The following SNX29 variants were observed in gnomAD, a reference collection of about 807,000 sequenced individuals.
The protein encoded by SNX29 is sorting nexin 29, also known as sorting nexin-29.
In SNX29, 78 loss-of-function variants were observed where a neutral mutation model predicts 102.1. The observed-to-expected ratio is 0.76, with a 90% CI of 0.64 to 0.92. The LOEUF (loss-of-function observed/expected upper bound fraction) is 0.92, where lower values mean the gene tolerates loss of function less well. Among genes scored for constraint, SNX29 ranks in the 40% least tolerant of loss-of-function variants. SNX29 has a pLI of 0.00. For missense variants in SNX29, 1,280 were observed against 1,061.7 expected (o/e 1.21, Z -2.86); for synonymous variants, 580 against 414.5 (o/e 1.40, Z -4.85).
At chr16:12,361,796 C>T (rs2082306886) in intron 16 of SNX29, among the ~76,000 whole-genome samples, 1 of 152,054 alleles carries the variant, frequency 6.6e-6, no homozygotes, top group Non-Finnish European at 1.5e-5. Flanking sequence ...CAAACCTTAG[C>T]ATCCCCATGC....
At chr16:12,345,732 G>T (rs1208698679) in intron 15 of SNX29, among the ~76,000 whole-genome samples, 1 of 152,234 alleles carries the variant, frequency 6.6e-6, no homozygotes, top group African/African-American at 2.4e-5. Flanking sequence ...TGTGGGCACA[G>T]TGGGAAGGTG....
At chr16:12,250,468 A>G (rs571473162) in intron 14 of SNX29, among the ~76,000 whole-genome samples, 4 of 152,304 alleles carry the variant, frequency 2.6e-5, no homozygotes, top group African/African-American at 9.6e-5. Context: ...TTAGCTGACC[A>G]GAAGCACAGC....
rs542937896 is a variant in SNX29, at chr16:12,311,062, G to A, written c.1782+33026G>A. On this transcript the variant is annotated intron_variant, in intron 15 of 20. Transcript: ENST00000566228. The stretch of plus-strand genomic sequence containing the variant: ...TTATAATAAAAAGACAGTGAATAAG[G>A]TTTCTTGTAAAAAGAAAGTTATAAG... Among the ~76,000 whole-genome samples, 6 of 152,264 alleles carry A rather than the reference G, an allele frequency of 3.9e-5. No individual in the cohort carries two copies. The East Asian group carries it at 9.6e-4, about 24-fold the overall frequency.
At chr16:11,988,913 C>T (rs948429067) in intron 1 of SNX29, among the ~76,000 whole-genome samples, 2 of 152,126 alleles carry the variant, frequency 1.3e-5, no homozygotes, top group South Asian at 2.1e-4. Context: ...GTATGGCCTG[C>T]AAAGCCTAAA....
At chr16:12,297,567 C>T (rs746450045) in intron 15 of SNX29, among the ~76,000 whole-genome samples, 3 of 151,900 alleles carry the variant, frequency 2.0e-5, no homozygotes, top group Non-Finnish European at 2.9e-5. Flanking sequence ...GAGGTGTCCT[C>T]AGCACCCCCT....
chr16:12,308,154 T>C (rs1037708799), intron 15 of SNX29, among the ~76,000 whole-genome samples: 15 of 152,176 alleles, frequency 9.9e-5, no homozygotes, highest in African/African-American at 3.4e-4. Flanking sequence ...TGAGGGTTTT[T>C]CCCCAACCAA....
At chr16:12,348,425 C>G (rs2081888832) in intron 15 of SNX29, among the ~76,000 whole-genome samples, 1 of 152,210 alleles carries the variant, frequency 6.6e-6, no homozygotes, top group Admixed American at 6.5e-5. Flanking sequence ...TCCCTTACTG[C>G]TAGGGTCCCC....
intron 18 of SNX29, among the ~76,000 whole-genome samples, chr16:12,468,521 C>T (rs2087181549): frequency 6.6e-6 from 1 of 152,190 alleles, no homozygotes; most frequent in Non-Finnish European, 1.5e-5. Context: ...TCCAACCCCA[C>T]TCCCAGGCGT....
intron 14 of SNX29, among the ~76,000 whole-genome samples, chr16:12,253,039 T>G (rs1482847574): frequency 6.6e-6 from 1 of 152,158 alleles, no homozygotes; most frequent in African/African-American, 2.4e-5. Context: ...TATTGGTATT[T>G]AGGTCTTTGG....
At chr16:12,540,906 A>C (rs774010532) in intron 20 of SNX29, among the ~76,000 whole-genome samples, 1 of 152,178 alleles carries the variant, frequency 6.6e-6, no homozygotes, top group Non-Finnish European at 1.5e-5. Flanking sequence ...GGCTTCTCTG[A>C]CAGCCCTGTC....
Position 12,183,512 on chromosome 16 carries a change from A to G in SNX29, c.1596-16089A>G, listed in dbSNP as rs148283872. 2.8e-3 allele frequency among the ~76,000 whole-genome samples: 420 copies of G among 152,312 alleles called. 2 individuals carry two copies. Among genetic ancestry groups the G allele is most frequent in the African/African-American group, 9.6e-3 (400 of 41,568 alleles). On this transcript the variant is annotated intron_variant, in intron 13 of 20. Coordinates refer to ENST00000566228, the MANE Select transcript of SNX29 (RefSeq NM_032167.5). ...TGTATAGATATGTATGTGTGTATGT[A>G]AATATACTTTTCCTAAGCAATGTGA...
At chr16:12,123,029 G>A (rs1189812580) in intron 11 of SNX29, among the ~76,000 whole-genome samples, 2 of 152,088 alleles carry the variant, frequency 1.3e-5, no homozygotes, top group East Asian at 3.9e-4. Context: ...GTTTCACCAT[G>A]TTGGCCAGGC....
chr16:12,138,562 G>A (rs72784671), intron 13 of SNX29, among the ~76,000 whole-genome samples: 1,702 of 151,930 alleles, frequency 0.011, 33 homozygotes, highest in Non-Finnish European at 0.012. Context: ...AAAGAAACAT[G>A]CTTTGGAGGA....
chr16:12,234,415 T>C (rs2077862926), intron 14 of SNX29, among the ~76,000 whole-genome samples: 2 of 152,300 alleles, frequency 1.3e-5, no homozygotes, highest in Middle Eastern at 3.4e-3. Flanking sequence ...TTTAGTTGTC[T>C]TTTTTATTGT....
At chr16:12,043,976 A>C (rs776333782) in intron 5 of SNX29, among the ~76,000 whole-genome samples, 1 of 151,396 alleles carries the variant, frequency 6.6e-6, no homozygotes, top group Non-Finnish European at 1.5e-5. Flanking sequence ...CTGGTCTTGA[A>C]CTCCAGACCT....
chr16:12,247,490 T>C (rs1405010376), intron 14 of SNX29, among the ~76,000 whole-genome samples: 1 of 152,148 alleles, frequency 6.6e-6, no homozygotes, highest in African/African-American at 2.4e-5. Flanking sequence ...TTCCAGATGA[T>C]GTAAATGAGT....
At chr16:12,079,682 G>A (rs11075049) in intron 11 of SNX29, among the ~76,000 whole-genome samples, 33,842 of 152,058 alleles carry the variant, frequency 0.22, 4,005 homozygotes, top group South Asian at 0.34. Flanking sequence ...TTGAAGTTCC[G>A]GTGGTTAAGG....
chr16:12,183,973 T>C (rs1317604130), intron 13 of SNX29, among the ~76,000 whole-genome samples: 2 of 152,234 alleles, frequency 1.3e-5, no homozygotes, highest in Non-Finnish European at 1.5e-5. Flanking sequence ...ACCCTGTGTT[T>C]AGCACGTTAT....
chr16:12,309,082 A>G (rs1408389908), intron 15 of SNX29, among the ~76,000 whole-genome samples: 1 of 152,170 alleles, frequency 6.6e-6, no homozygotes, highest in African/African-American at 2.4e-5. Context: ...CTGCTCTCAG[A>G]TTACCCACCA....
Sources: allele counts gnomAD v4.1 joint callset (sites outside exome capture counted in the v4.1 genomes callset), GRCh38; gene constraint gnomAD v4.1.1; transcripts MANE v1.5; gene names NCBI Gene and HGNC (gene_info 2026-07-23, HGNC 2026-07-21).